FRY: variants seen among roughly 807,000 people sequenced by gnomAD.
FRY encodes protein furry homolog.
Under a neutral mutation model 348.4 loss-of-function variants are expected in FRY, and 128 were observed. The observed-to-expected ratio is 0.37, with a 90% CI of 0.32 to 0.43. The LOEUF (loss-of-function observed/expected upper bound fraction) is 0.43. FRY is among the 20% of genes least tolerant of loss of function. FRY has a pLI of 1.00. For missense variants in FRY, 2,736 were observed against 3,695.2 expected, an observed-to-expected ratio of 0.74 and a Z score of 6.73; for synonymous variants, 1,370 against 1,374.7, an observed-to-expected ratio of 1.00 and a Z score of 0.08.
At chr13:32,089,388 G>A (rs1455085806) in intron 2 of FRY, among the ~76,000 whole-genome samples, 1 of 152,094 alleles carries the variant, frequency 6.6e-6, no homozygotes, top group African/African-American at 2.4e-5. Flanking sequence ...CAGGGGGGTT[G>A]GAATATTCCT....
chr13:32,085,868 C>A (rs1875824361), intron 2 of FRY: 1 of 519,000 alleles, frequency 1.9e-6, no homozygotes. Context: ...GACACAACCA[C>A]AGCTCCTTTC....
intron 42 of FRY, 110 bp from the exon 43 acceptor site, chr13:32,235,968 T>G: frequency 1.2e-6 from 1 of 844,572 alleles, no homozygotes; most frequent in Non-Finnish European, 2.0e-6. Context: ...ACTTCATAAA[T>G]TAAAGCAGCA....
chr13:32,054,309 T>C (rs554460782), intron 1 of FRY, among the ~76,000 whole-genome samples: 1 of 152,254 alleles, frequency 6.6e-6, no homozygotes, highest in East Asian at 1.9e-4. Flanking sequence ...CTTGCTTTGT[T>C]GTTATTAATT....
At chr13:32,143,676 A>G (rs980242268) in intron 11 of FRY, among the ~76,000 whole-genome samples, 32 of 152,326 alleles carry the variant, frequency 2.1e-4, no homozygotes, top group Non-Finnish European at 3.7e-4. Context: ...GCAAATATAA[A>G]CTGTTATATA....
Position 32,175,573 on chromosome 13 carries a change from A to G in FRY, c.2362A>G (p.Met788Val). Residue 788 changes from methionine to valine, a missense_variant, in exon 20 of 61, where the codon ATG (methionine) becomes GTG (valine). Physicochemically the swap from Met to Val is conservative, Grantham distance 21. Transcript: ENST00000542859. Reference protein sequence around the residue: ...EDDDRPMIDVMDQLSSSILES... With the variant: ...EDDDRPMIDVVDQLSSSILES... ...TGACGACAGGCCGATGATTGATGTC[A>G]TGGATCAGCTAAGTTCTTCCATTCT... is the stretch of plus-strand genomic sequence containing the variant. 6.2e-7 allele frequency: 1 copy of G among 1,611,692 alleles called. No individual in the cohort carries two copies. Among genetic ancestry groups the G allele is most frequent in the South Asian group, 1.1e-5 (1 of 91,030 alleles).
intron 14 of FRY, among the ~76,000 whole-genome samples, chr13:32,154,150 T>C (rs1342628157): frequency 1.3e-5 from 2 of 152,174 alleles, no homozygotes; most frequent in African/African-American, 2.4e-5. Flanking sequence ...TTTTATTTTC[T>C]TATCCACAAC....
intron 59 of FRY, among the ~76,000 whole-genome samples, chr13:32,291,501 G>C (rs1169354969): frequency 6.6e-6 from 1 of 151,604 alleles, no homozygotes; most frequent in Admixed American, 6.6e-5. Context: ...CGCCTCCCAG[G>C]TTCAAGCGAT....
chr13:32,193,075 T>A (rs945147723), intron 28 of FRY, among the ~76,000 whole-genome samples: 1 of 151,602 alleles, frequency 6.6e-6, no homozygotes, highest in Non-Finnish European at 1.5e-5. Context: ...AAGTAACATA[T>A]GTAACCTCTA....
intron 1 of FRY, among the ~76,000 whole-genome samples, chr13:32,053,016 G>T (rs1873425834): frequency 6.6e-6 from 1 of 152,052 alleles, no homozygotes; most frequent in Admixed American, 6.5e-5. Context: ...GGGAGGCTGA[G>T]GCAGGAGAAT....
rs747376616 is a variant in FRY at position 32,137,005 on chromosome 13, TA to T, written c.1179+39del. ...TTTGTCAGCTCAAAAACGATCTCTTTAAAAAATTTACAGTAGTTTTTAGGCT... is the reference window on the plus strand; with the variant it reads ...TTTGTCAGCTCAAAAACGATCTCTTTAAAAATTTACAGTAGTTTTTAGGCT... On this transcript the variant is annotated intron_variant, in intron 11 of 60. Coordinates refer to ENST00000542859, the MANE Select transcript of FRY (RefSeq NM_023037.3). The T allele has an allele frequency of 6.5e-6, 8 of 1,228,592 alleles. 1 individual carries two copies. In the South Asian group the frequency reaches 9.6e-5, roughly 15 times the overall value. 76.1% of individuals were successfully genotyped at this position (1,228,592 alleles called of 1,614,324 possible). A position where few individuals can be genotyped will look rare whatever the true frequency, so the allele number is the denominator to read the frequency against.
rs1888054343 is a variant in FRY, at chr13:32,268,514, ATATATATATATATATATATATATATC to A, written c.8136+1158_8136+1183del. On this transcript the variant is annotated intron_variant, in intron 55 of 60. Transcript: ENST00000542859. ...AAAAAAAAAAAAAAAAAATATATAT[ATATATATATATATATATATATATATC>A]TAGATTAGTATTCCTTTTTTTAAAA... is the stretch of plus-strand genomic sequence containing the variant. Among the ~76,000 whole-genome samples, 3 of 28,470 alleles carry A rather than the reference ATATATATATATATATATATATATATC, an allele frequency of 1.1e-4. No individual in the cohort carries two copies. In the Admixed American group the frequency reaches 1.2e-3, roughly 12 times the overall value. 18.7% of individuals were successfully genotyped at this position (28,470 alleles called of 152,430 possible). A position where few individuals can be genotyped will look rare whatever the true frequency, so the allele number is the denominator to read the frequency against.
chr13:32,157,501 T>G, intron 16 of FRY, 96 bp downstream of exon 16: 1 of 1,217,162 alleles, frequency 8.2e-7, no homozygotes, highest in Non-Finnish European at 1.2e-6. Flanking sequence ...TTTCATCTTC[T>G]TAGGGTTCTA....
intron 10 of FRY, among the ~76,000 whole-genome samples, chr13:32,135,830 A>G (rs1270229768): frequency 6.6e-6 from 1 of 152,192 alleles, no homozygotes; most frequent in Admixed American, 6.5e-5. Context: ...GGCATGGTTT[A>G]TGCTAGTCTC....
At position 32,231,106 on chromosome 13, in the gene FRY, CAG is replaced by C. The variant is rs367924068; in HGVS notation, c.5406-72_5406-71del. On this transcript the variant is annotated intron_variant, in intron 40 of 60. Coordinates refer to ENST00000542859, the MANE Select transcript of FRY (RefSeq NM_023037.3). ...TTTAAATATGTTATATGTTTGGAGTCAGGACTGTATGTGTAGTTTTAAAAATG... is the reference window on the plus strand; with the variant it reads ...TTTAAATATGTTATATGTTTGGAGTCGACTGTATGTGTAGTTTTAAAAATG... 1.2e-3 allele frequency: 1,592 copies of C among 1,317,462 alleles called. 14 individuals carry two copies. The African/African-American group carries it at 0.019, about 16-fold the overall frequency. 81.6% of individuals were successfully genotyped at this position (1,317,462 alleles called of 1,614,324 possible). A position where few individuals can be genotyped will look rare whatever the true frequency, so the allele number is the denominator to read the frequency against.
intron 59 of FRY, among the ~76,000 whole-genome samples, chr13:32,290,653 G>A (rs542332350): frequency 1.2e-4 from 18 of 152,208 alleles, no homozygotes; most frequent in Middle Eastern, 3.4e-3. Context: ...GCAGCTATGC[G>A]GAGGGTGGGT....
At chr13:32,136,776 C>A (rs1489854481) in intron 10 of FRY, 95 bp from the exon 11 acceptor site, 2 of 828,032 alleles carry the variant, frequency 2.4e-6, no homozygotes, top group South Asian at 1.3e-5. Flanking sequence ...ACAGGGCCCC[C>A]GAGGGAGATG....
At chr13:32,137,117 A>T (rs1879770512) in intron 11 of FRY, 145 bp downstream of exon 11, 1 of 662,830 alleles carries the variant, frequency 1.5e-6, no homozygotes, top group African/African-American at 1.8e-5. Context: ...TATTAATAAG[A>T]GTTCTTATTA....
intron 27 of FRY, 100 bp downstream of exon 27, chr13:32,186,520 A>T: frequency 2.5e-6 from 2 of 793,438 alleles, no homozygotes. Context: ...TAAATAATAC[A>T]ATATCATAGA....
At chr13:32,179,939 C>A in intron 23 of FRY, 140 bp downstream of exon 23, 1 of 820,656 alleles carries the variant, frequency 1.2e-6, no homozygotes, top group Non-Finnish European at 2.1e-6. Flanking sequence ...ACTACATCGT[C>A]TTGGTTGATG....
Sources: gnomAD v4.1 joint callset for allele counts (sites outside exome capture counted in the v4.1 genomes callset) on GRCh38, gnomAD v4.1.1 for gene constraint, MANE v1.5 for transcripts, NCBI Gene and HGNC (gene_info 2026-07-23, HGNC 2026-07-21) for gene names.